Variants in TULP2 observed in about 807,000 individuals in gnomAD.
TULP2 encodes the protein tubby-related protein 2.
Under a neutral mutation model 60.3 loss-of-function variants are expected in TULP2, and 64 were observed. The observed-to-expected ratio is 1.06, with a 90% CI of 0.87 to 1.31. The LOEUF (loss-of-function observed/expected upper bound fraction) is 1.31, where lower values mean the gene tolerates loss of function less well. TULP2 is among the 50% of genes most tolerant of loss of function. The probability of loss-of-function intolerance (pLI) is 0.00; values close to 1 mark genes in which losing one functional copy is unlikely to be tolerated. For synonymous variants in TULP2, 267 were observed against 265.4 expected, an observed-to-expected ratio of 1.01 and a Z score of -0.06; for missense variants, 652 against 667.0, an observed-to-expected ratio of 0.98 and a Z score of 0.25.
At position 48,895,370 on chromosome 19, in the gene TULP2, T is replaced by C; in HGVS notation, c.345A>G (p.Glu115=). The C allele has an allele frequency of 6.2e-7, 1 of 1,613,632 alleles. No homozygotes were observed. The highest frequency in any genetic ancestry group is 8.5e-7 in the Non-Finnish European group (1 of 1,179,726). The part of the protein sequence containing the change: ...GERGLPTPRT[E]AVFRNLGLQS... ...GGTCGGTGGACTCGCAAATACCTGC[T>C]TCTGTCCGCGGTGTCGGGAGGCCGC... The change falls in exon 5 of 13, where the codon GAA becomes GAG. Residue 115 remains glutamate, a synonymous_variant. Coordinates refer to ENST00000221399, the MANE Select transcript of TULP2 (RefSeq NM_003323.3).
intron 4 of TULP2, 139 bp from the exon 5 acceptor site, chr19:48,895,642 G>A: frequency 9.5e-7 from 1 of 1,053,440 alleles, no homozygotes; most frequent in South Asian, 1.6e-5. Context: ...CACTTTGGGA[G>A]GCCGAGGCAG....
chr19:48,884,096 T>A, intron 9 of TULP2, 50 bp from the exon 10 acceptor site: 6 of 1,448,990 alleles, frequency 4.1e-6, no homozygotes, highest in Non-Finnish European at 4.8e-6. Context: ...TGTTACTCTT[T>A]GAGTAAGTGT....
chr19:48,895,455 G>A lies in TULP2; in HGVS notation c.260C>T (p.Pro87Leu), dbSNP rs376902778. ...GCCCAGGGCACTGTGGATGCCAGAG[G>A]GCAGATGTGCCTCTGACACTTTCTT... The part of the protein sequence containing the change: ...LRKKVSEAHL[P>L]SGIHSALGTV... Residue 87 changes from proline (P) to leucine (L), a missense_variant, in exon 5 of 13, where the codon CCC (proline) becomes CTC (leucine). Coordinates refer to ENST00000221399, the MANE Select transcript of TULP2 (RefSeq NM_003323.3). The A allele has an allele frequency of 5.0e-6, 8 of 1,613,272 alleles. No individual in the cohort carries two copies. Among genetic ancestry groups the A allele is most frequent in the Non-Finnish European group, 6.8e-6 (8 of 1,179,526 alleles).
chr19:48,891,792 A>G lies in TULP2; in HGVS notation c.515-2161T>C, dbSNP rs554335532. 3.9e-5 allele frequency among the ~76,000 whole-genome samples: 6 copies of G among 152,310 alleles called. 1 individual carries two copies. Among genetic ancestry groups the G allele is most frequent in the African/African-American group, 1.4e-4 (6 of 41,574 alleles). ...GTTCCCTCAGTATTTATTGATCACTATCTTTACTATCTTGGTGAGGGGAAT... is the reference window on the plus strand; with the variant it reads ...GTTCCCTCAGTATTTATTGATCACTGTCTTTACTATCTTGGTGAGGGGAAT... On this transcript the variant is annotated intron_variant, in intron 6 of 12. Coordinates refer to ENST00000221399, the MANE Select transcript of TULP2 (RefSeq NM_003323.3).
intron 6 of TULP2, among the ~76,000 whole-genome samples, chr19:48,894,793 T>C (rs1298812968): frequency 1.3e-5 from 2 of 152,184 alleles, no homozygotes; most frequent in Non-Finnish European, 2.9e-5. Flanking sequence ...TCTGCGGATC[T>C]TGGTATCTGT....
chr19:48,894,157 G>A (rs904139989), intron 6 of TULP2, among the ~76,000 whole-genome samples: 15 of 151,758 alleles, frequency 9.9e-5, no homozygotes, highest in African/African-American at 2.4e-4. Context: ...CTTGGCCTCC[G>A]GAGTATCTGG....
chr19:48,890,885 A>G (rs2037226390), intron 6 of TULP2, among the ~76,000 whole-genome samples: 1 of 152,018 alleles, frequency 6.6e-6, no homozygotes, highest in African/African-American at 2.4e-5. Context: ...GGGGGGATGG[A>G]GTTTGGGGTG....
chr19:48,896,584 G>C (rs1304143858), intron 3 of TULP2, 28 bp from the exon 4 acceptor site: 1 of 1,569,502 alleles, frequency 6.4e-7, no homozygotes, highest in African/African-American at 1.4e-5. Flanking sequence ...GTGGGTGTCC[G>C]GGACAGGAAC....
chr19:48,890,878 G>A (rs1312428454), intron 6 of TULP2, among the ~76,000 whole-genome samples: 1 of 152,106 alleles, frequency 6.6e-6, no homozygotes, highest in African/African-American at 2.4e-5. Flanking sequence ...TGAAGATGGG[G>A]GGATGGAGTT....
intron 8 of TULP2, among the ~76,000 whole-genome samples, chr19:48,886,728 C>T (rs1310858954): frequency 6.6e-6 from 1 of 151,300 alleles, no homozygotes; most frequent in Non-Finnish European, 1.5e-5. Flanking sequence ...GGCCTGATAG[C>T]TTATAGCAAG....
At chr19:48,891,407 C>A (rs1307301688) in intron 6 of TULP2, among the ~76,000 whole-genome samples, 1 of 151,520 alleles carries the variant, frequency 6.6e-6, no homozygotes, top group Non-Finnish European at 1.5e-5. Context: ...CGGAGGTGGG[C>A]GGATCACGAG....
intron 5 of TULP2, 78 bp downstream of exon 5, chr19:48,895,288 T>C (rs143067987): frequency 9.2e-5 from 145 of 1,583,684 alleles, no homozygotes; most frequent in Non-Finnish European, 1.2e-4. Context: ...TTTGGACAGA[T>C]GGATTGAGGC....
chr19:48,887,176 T>A (rs1259639889), intron 8 of TULP2, among the ~76,000 whole-genome samples: 3 of 151,166 alleles, frequency 2.0e-5, no homozygotes, highest in Non-Finnish European at 4.4e-5. Context: ...CACGCCTGGC[T>A]AACTTTTGTA....
chr19:48,888,377 A>T, intron 7 of TULP2, 116 bp from the exon 8 acceptor site: 1 of 1,089,360 alleles, frequency 9.2e-7, no homozygotes, highest in Non-Finnish European at 1.3e-6. Context: ...TTTTCTGCTT[A>T]TTGGTCAAAA....
rs749966760 is a variant in TULP2, at chr19:48,885,470, C to T, written c.1039G>A (p.Asp347Asn). ...LDPTHLSRDGDNFVGKVRSNV... is the reference protein window; with the variant it reads ...LDPTHLSRDGNNFVGKVRSNV... The stretch of plus-strand genomic sequence containing the variant: ...CACCTGACTTTGCCCACGAAATTGT[C>T]CCCGTCCCGAGATAGGTGTGTAGGA... Residue 347 changes from aspartate (D) to asparagine (N), a missense_variant, in exon 9 of 13, where the codon GAC becomes AAC. Transcript: ENST00000221399. 145 of 1,613,824 alleles carry T rather than the reference C, an allele frequency of 9.0e-5. No individual in the cohort carries two copies. The highest frequency in any genetic ancestry group is 8.2e-4 in the Middle Eastern group (5 of 6,084).
chr19:48,896,369 G>A, intron 4 of TULP2, 61 bp downstream of exon 4: 3 of 1,460,064 alleles, frequency 2.1e-6, no homozygotes, highest in East Asian at 2.5e-5. Flanking sequence ...ACTAGGCCCC[G>A]CCCACAGACT....
rs2037264065 is a variant in TULP2 at position 48,894,859 on chromosome 19, C to G, written c.514+139G>C. 8.5e-6 allele frequency: 10 copies of G among 1,182,610 alleles called. No homozygotes were observed. The South Asian group carries it at 1.7e-4, about 20-fold the overall frequency. 73.3% of individuals were successfully genotyped at this position (1,182,610 alleles called of 1,614,324 possible). ...CCGAGGGGCGACCGTGTACTGGAAA[C>G]CATGGAATTGTGAACTTTAAATGGG... On this transcript the variant is annotated intron_variant, in intron 6 of 12. Coordinates refer to ENST00000221399, the MANE Select transcript of TULP2 (RefSeq NM_003323.3).
chr19:48,881,151 C>A (rs1403836581), intron 12 of TULP2, 25 bp from the exon 13 acceptor site: 1 of 1,536,790 alleles, frequency 6.5e-7, no homozygotes. Flanking sequence ...AGGAACAAAG[C>A]CTTAGCCTGA....
chr19:48,895,397 C>T lies in TULP2; in HGVS notation c.318G>A (p.Glu106=), dbSNP rs2037269400. 1 of 1,613,898 alleles carries T rather than the reference C, an allele frequency of 6.2e-7. No individual in the cohort carries two copies. The highest frequency in any genetic ancestry group is 8.5e-7 in the Non-Finnish European group (1 of 1,179,890). ...TVSCGGDGRG[E]RGLPTPRTEA... is the part of the protein sequence containing the mutation. ...CTGTCCGCGGTGTCGGGAGGCCGCG[C>T]TCGCCCCTGCCGTCTCCACCACAGC... The change falls in exon 5 of 13, where the codon GAG becomes GAA. Residue 106 remains glutamate, a synonymous_variant. Transcript: ENST00000221399.
Sources: allele counts gnomAD v4.1 joint callset (sites outside exome capture counted in the v4.1 genomes callset), GRCh38; gene constraint gnomAD v4.1.1; transcripts MANE v1.5; gene names NCBI Gene and HGNC (gene_info 2026-07-23, HGNC 2026-07-21).